Variants in GALNT7 observed in about 807,000 individuals in gnomAD.
The protein encoded by GALNT7 is N-acetylgalactosaminyltransferase 7.
In GALNT7, 60 loss-of-function variants were observed where a neutral mutation model predicts 82.1. That is an observed-to-expected ratio of 0.73 (90% confidence interval 0.59 to 0.91). The LOEUF is 0.91. GALNT7 is among the 40% of genes least tolerant of loss of function. GALNT7 has a pLI of 0.00. For synonymous variants in GALNT7, 243 were observed against 275.1 expected (o/e 0.88, Z 1.15); for missense variants, 660 against 804.2 (o/e 0.82, Z 2.17).
chr4:173,313,570 C>CAA (rs957463269), intron 8 of GALNT7, among the ~76,000 whole-genome samples: 17 of 62,368 alleles, frequency 2.7e-4, no homozygotes, highest in South Asian at 4.7e-4. Flanking sequence ...GACCCCATCA[C>CAA]AAAAAAAAAA....
intron 2 of GALNT7, among the ~76,000 whole-genome samples, chr4:173,259,285 G>A (rs1205948339): frequency 2.6e-5 from 4 of 152,240 alleles, no homozygotes; most frequent in Non-Finnish European, 5.9e-5. Context: ...TTTGTCCTAA[G>A]ATGAAGATAG....
At chr4:173,233,555 AG>A (rs1333268742) in intron 1 of GALNT7, among the ~76,000 whole-genome samples, 1 of 152,224 alleles carries the variant, frequency 6.6e-6, no homozygotes. Flanking sequence ...TATATAGAAT[AG>A]ATTAAATGGG....
intron 2 of GALNT7, among the ~76,000 whole-genome samples, chr4:173,288,214 C>T (rs1231236304): frequency 7.6e-6 from 1 of 132,058 alleles, no homozygotes; most frequent in African/African-American, 2.9e-5. Context: ...ACCCGGGAGG[C>T]GGAGCTTGCA....
At chr4:173,314,239 G>C (rs1737508990) in intron 9 of GALNT7, 63 bp downstream of exon 9, 3 of 1,091,518 alleles carry the variant, frequency 2.7e-6, no homozygotes, top group Admixed American at 1.7e-5. Context: ...GGCAGAGAGA[G>C]GTGGAAATAT....
intron 1 of GALNT7, among the ~76,000 whole-genome samples, chr4:173,242,445 A>G (rs1734469045): frequency 6.6e-6 from 1 of 152,218 alleles, no homozygotes; most frequent in South Asian, 2.1e-4. Flanking sequence ...ATATTAAAAT[A>G]TACTTGGAAA....
At chr4:173,305,990 G>T (rs995751175) in intron 8 of GALNT7, among the ~76,000 whole-genome samples, 1 of 151,932 alleles carries the variant, frequency 6.6e-6, no homozygotes, top group African/African-American at 2.4e-5. Context: ...TTTATAATAT[G>T]GATATTTTAA....
chr4:173,198,077 TGAG>T (rs1174218970), intron 1 of GALNT7, among the ~76,000 whole-genome samples: 2 of 143,308 alleles, frequency 1.4e-5, no homozygotes, highest in Non-Finnish European at 3.1e-5. Context: ...TTTTTTTTTT[TGAG>T]ACGGAGTCTC....
chr4:173,256,281 C>T (rs1735034111), intron 2 of GALNT7, among the ~76,000 whole-genome samples: 1 of 152,126 alleles, frequency 6.6e-6, no homozygotes, highest in African/African-American at 2.4e-5. Flanking sequence ...GAAGGCCATC[C>T]TTGGATCATA....
chr4:173,184,449 C>G (rs1015295231), intron 1 of GALNT7, among the ~76,000 whole-genome samples: 10 of 151,904 alleles, frequency 6.6e-5, no homozygotes, highest in Non-Finnish European at 1.5e-4. Context: ...AATATGAAAA[C>G]CAGTCAGGCA....
chr4:173,307,036 T>A (rs1737180613), intron 8 of GALNT7, among the ~76,000 whole-genome samples: 1 of 152,224 alleles, frequency 6.6e-6, no homozygotes, highest in South Asian at 2.1e-4. Flanking sequence ...CCTGTGCAGA[T>A]CAGCCCACCA....
At chr4:173,237,325 A>G (rs1297392610) in intron 1 of GALNT7, among the ~76,000 whole-genome samples, 1 of 152,242 alleles carries the variant, frequency 6.6e-6, no homozygotes, top group African/African-American at 2.4e-5. Flanking sequence ...AGGGCAAAGC[A>G]GGGATGCAGT....
At chr4:173,266,566 G>A (rs1735499985) in intron 2 of GALNT7, among the ~76,000 whole-genome samples, 1 of 152,152 alleles carries the variant, frequency 6.6e-6, no homozygotes, top group South Asian at 2.1e-4. Flanking sequence ...AGGAGCAAAA[G>A]AAGTATGTTA....
chr4:173,203,774 C>T (rs1166717852), intron 1 of GALNT7, among the ~76,000 whole-genome samples: 1 of 152,072 alleles, frequency 6.6e-6, no homozygotes, highest in Non-Finnish European at 1.5e-5. Flanking sequence ...CTTTTGATGC[C>T]ACAATTTATA....
intron 8 of GALNT7, among the ~76,000 whole-genome samples, chr4:173,313,438 G>A (rs1278669340): frequency 6.6e-6 from 1 of 151,858 alleles, no homozygotes; most frequent in Non-Finnish European, 1.5e-5. Flanking sequence ...AGGTATAGTG[G>A]CATGTACCTA....
chr4:173,184,475 G>A (rs1315248399), intron 1 of GALNT7, among the ~76,000 whole-genome samples: 2 of 151,880 alleles, frequency 1.3e-5, no homozygotes, highest in African/African-American at 4.8e-5. Flanking sequence ...GCGCCCGCCT[G>A]CAATCCCAGG....
chr4:173,170,871 G>A (rs1731839539), intron 1 of GALNT7, among the ~76,000 whole-genome samples: 1 of 152,128 alleles, frequency 6.6e-6, no homozygotes, highest in Admixed American at 6.5e-5. Context: ...GCCAACTCGT[G>A]GAATATTTTA....
At chr4:173,310,716 T>C (rs1737352340) in intron 8 of GALNT7, among the ~76,000 whole-genome samples, 1 of 152,158 alleles carries the variant, frequency 6.6e-6, no homozygotes, top group Admixed American at 6.5e-5. Flanking sequence ...TATATCCTCA[T>C]CTAATTTTTT....
At chr4:173,270,367 A>G (rs1191940997) in intron 2 of GALNT7, among the ~76,000 whole-genome samples, 1 of 152,194 alleles carries the variant, frequency 6.6e-6, no homozygotes, top group East Asian at 1.9e-4. Context: ...GAAGATTGAA[A>G]AAAAAATGCT....
chr4:173,226,079 G>C (rs1418112908), intron 1 of GALNT7, among the ~76,000 whole-genome samples: 1 of 152,112 alleles, frequency 6.6e-6, no homozygotes, highest in African/African-American at 2.4e-5. Flanking sequence ...CTGCAGCCAG[G>C]GGAATAAGTT....
Sources: gnomAD v4.1 joint callset for allele counts (sites outside exome capture counted in the v4.1 genomes callset) on GRCh38, gnomAD v4.1.1 for gene constraint, MANE v1.5 for transcripts, NCBI Gene and HGNC (gene_info 2026-07-23, HGNC 2026-07-21) for gene names.